Variants in KLHL6 observed in about 807,000 individuals in gnomAD.
The protein encoded by KLHL6 is kelch-like protein 6.
Under a neutral mutation model 58.6 loss-of-function variants are expected in KLHL6, and 41 were observed. The observed-to-expected ratio is 0.70, with a 90% CI of 0.55 to 0.91. The LOEUF (loss-of-function observed/expected upper bound fraction) is 0.91. Among genes scored for constraint, KLHL6 ranks in the 40% least tolerant of loss-of-function variants. KLHL6 has a pLI of 0.00. For missense variants in KLHL6, 714 were observed against 805.6 expected (o/e 0.89, Z 1.38); for synonymous variants, 338 against 322.7 (o/e 1.05, Z -0.51).
chr3:183,508,404 A>C lies in KLHL6; in HGVS notation c.564T>G (p.Ser188Arg), dbSNP rs201012563. ...LRLADTHSLDSLKKQVQSYII... is the reference protein window; with the variant it reads ...LRLADTHSLDRLKKQVQSYII... The stretch of plus-strand genomic sequence containing the variant: ...TGTAACTCTGAACCTGCTTCTTTAG[A>C]CTGTCCAGCGAGTGTGTGTCAGCCA... Residue 188 changes from serine (S) to arginine (R), a missense_variant, in exon 3 of 7, where the codon AGT (serine) becomes AGG (arginine). Physicochemically the swap from Ser to Arg is moderately radical, Grantham distance 110. Around this residue, in one of 2 missense-constraint regions of KLHL6, gnomAD observed 510 missense variants for 629.7 expected, o/e 0.81. Coordinates refer to ENST00000341319, the MANE Select transcript of KLHL6 (RefSeq NM_130446.4). 6.2e-6 allele frequency: 10 copies of C among 1,614,210 alleles called. No individual in the cohort carries two copies. Among genetic ancestry groups the C allele is most frequent in the Non-Finnish European group, 8.5e-6 (10 of 1,180,036 alleles).
In KLHL6 at chr3:183,511,035, A is replaced by C. The variant is rs533895197; in HGVS notation, c.460-2527T>G. On this transcript the variant is annotated intron_variant, in intron 2 of 6. Coordinates refer to ENST00000341319, the MANE Select transcript of KLHL6 (RefSeq NM_130446.4). Reference sequence around the variant, plus strand: ...AGTACAGAGAAAGAACAGTGGGCCCAGGGGACCAGCGCTCAGCATACGGAG... The same window carrying C: ...AGTACAGAGAAAGAACAGTGGGCCCCGGGGACCAGCGCTCAGCATACGGAG... 3.3e-5 allele frequency among the ~76,000 whole-genome samples: 5 copies of C among 152,306 alleles called. No homozygotes were observed. The East Asian group carries it at 9.7e-4, about 29-fold the overall frequency.
intron 1 of KLHL6, among the ~76,000 whole-genome samples, chr3:183,543,379 G>A (rs1262245500): frequency 1.3e-5 from 2 of 151,922 alleles, no homozygotes; most frequent in Non-Finnish European, 1.5e-5. Flanking sequence ...GGAGGAGCAT[G>A]GGAGGAGTGA....
At chr3:183,497,765 A>G (rs1187937745) in intron 4 of KLHL6, among the ~76,000 whole-genome samples, 1 of 152,114 alleles carries the variant, frequency 6.6e-6, no homozygotes, top group African/African-American at 2.4e-5. Context: ...TCCTGCCCCG[A>G]CCCCTGCATA....
At chr3:183,538,833 G>C (rs140252337) in intron 1 of KLHL6, among the ~76,000 whole-genome samples, 1 of 152,254 alleles carries the variant, frequency 6.6e-6, no homozygotes, top group Non-Finnish European at 1.5e-5. Context: ...AGCTCAAGCT[G>C]TCCCCTAAGT....
chr3:183,517,572 G>C (rs1711607174), intron 2 of KLHL6, among the ~76,000 whole-genome samples: 2 of 152,198 alleles, frequency 1.3e-5, no homozygotes, highest in South Asian at 4.1e-4. Context: ...GCTCACTAAG[G>C]CAGGGCAGGT....
chr3:183,545,890 C>T (rs1305680664), intron 1 of KLHL6, among the ~76,000 whole-genome samples: 1 of 152,200 alleles, frequency 6.6e-6, no homozygotes, highest in African/African-American at 2.4e-5. Context: ...TAGCTTCCCA[C>T]ACAACTCTGT....
intron 1 of KLHL6, among the ~76,000 whole-genome samples, chr3:183,541,387 G>C (rs1712547034): frequency 6.6e-6 from 1 of 152,228 alleles, no homozygotes; most frequent in South Asian, 2.1e-4. Flanking sequence ...AGGAGGAGCT[G>C]CCACAGTTGG....
chr3:183,550,711 G>A (rs1244870916), intron 1 of KLHL6, among the ~76,000 whole-genome samples: 1 of 152,098 alleles, frequency 6.6e-6, no homozygotes, highest in African/African-American at 2.4e-5. Context: ...TGGAAGAATT[G>A]CTTGAGCCCA....
chr3:183,488,788 C>T lies in KLHL6; in HGVS notation c.*3139G>A, dbSNP rs985659430. On this transcript the variant is annotated 3_prime_UTR_variant, in exon 7 of 7. Coordinates refer to ENST00000341319, the MANE Select transcript of KLHL6 (RefSeq NM_130446.4). ...AACCCTGATGACTATTCTTAAGTTT[C>T]CCCCAAATGACTTGAACTTTCTTTC... is the stretch of plus-strand genomic sequence containing the variant. 6.6e-6 allele frequency: 1 copy of T among 152,224 alleles called. No homozygotes were observed. Among genetic ancestry groups the T allele is most frequent in the African/African-American group, 2.4e-5 (1 of 41,448 alleles). The allele number at this position is 152,224 out of a possible 1,614,324, so 9.4% of individuals were successfully genotyped here. A position where few individuals can be genotyped will look rare whatever the true frequency, so the allele number is the denominator to read the frequency against.
In KLHL6 at chr3:183,511,133, G is replaced by C. The variant is rs538904398; in HGVS notation, c.460-2625C>G. The stretch of plus-strand genomic sequence containing the variant: ...ACTATTTTCACTATCTCAATAAGAG[G>C]AATGCAGTAGGAGAGCAGGGTGATA... On this transcript the variant is annotated intron_variant, in intron 2 of 6. Coordinates refer to ENST00000341319, the MANE Select transcript of KLHL6 (RefSeq NM_130446.4). Among the ~76,000 whole-genome samples the C allele has an allele frequency of 7.9e-4, 121 of 152,260 alleles. 1 individual carries two copies. Among genetic ancestry groups the C allele is most frequent in the Middle Eastern group, 3.4e-3 (1 of 294 alleles).
chr3:183,519,763 G>A, intron 2 of KLHL6, among the ~76,000 whole-genome samples: 1 of 151,446 alleles, frequency 6.6e-6, no homozygotes, highest in Non-Finnish European at 1.5e-5. Flanking sequence ...GGGCATAGTG[G>A]TGCATGGCTA....
chr3:183,554,598 C>T (rs1713041482), intron 1 of KLHL6, among the ~76,000 whole-genome samples: 2 of 152,230 alleles, frequency 1.3e-5, no homozygotes, highest in Admixed American at 1.3e-4. Flanking sequence ...TTTCCCCACA[C>T]TGCCTACACA....
rs773878937 is a variant in KLHL6, at chr3:183,492,558, C to T, written c.1500G>A (p.Ala500=). 1.9e-6 allele frequency: 3 copies of T among 1,614,124 alleles called. No homozygotes were observed. Among genetic ancestry groups the T allele is most frequent in the African/African-American group, 2.7e-5 (2 of 74,948 alleles). Residue 500 remains alanine, a synonymous_variant, in exon 6 of 7, where the codon GCG becomes GCA. Coordinates refer to ENST00000341319, the MANE Select transcript of KLHL6 (RefSeq NM_130446.4). This position sits in a 1 kb window ranked among gnomAD's most constrained non-coding sequence, Gnocchi z 5.9. ...DPSTNKWSLK[A]AMPVEAKCIN... ...TGCATTTAGCCTCCACGGGCATGGC[C>T]GCCTTCAAACTCCACTTGTTGGTGG...
At chr3:183,497,499 C>T (rs2971458) in intron 4 of KLHL6, among the ~76,000 whole-genome samples, 37,168 of 152,194 alleles carry the variant, frequency 0.24, 5,019 homozygotes, top group African/African-American at 0.34. Context: ...CCTGGGCACA[C>T]AGCTAAACTA....
At chr3:183,501,898 G>A (rs149782600) in intron 3 of KLHL6, among the ~76,000 whole-genome samples, 7 of 152,118 alleles carry the variant, frequency 4.6e-5, no homozygotes, top group East Asian at 1.9e-4. Flanking sequence ...GTAATTTACC[G>A]TAAGGCCCCT....
At chr3:183,526,072 C>G (rs1022947911) in intron 2 of KLHL6, among the ~76,000 whole-genome samples, 5 of 152,164 alleles carry the variant, frequency 3.3e-5, no homozygotes, top group African/African-American at 1.2e-4. Context: ...CTTTGGGAGG[C>G]CGAGGCGGGC....
In KLHL6 at chr3:183,492,916, G is replaced by C; in HGVS notation, c.1351-209C>G. 1 of 555,048 alleles carries C rather than the reference G, an allele frequency of 1.8e-6. No homozygotes were observed. 34.4% of individuals were successfully genotyped at this position (555,048 alleles called of 1,614,324 possible). A position where few individuals can be genotyped will look rare whatever the true frequency, so the allele number is the denominator to read the frequency against. ...CTCCCTCCAGGCTCCACGCAAGCTA[G>C]AGCAAGCTGTGTGTTGGGATGTGCC... On this transcript the variant is annotated intron_variant, in intron 5 of 6. Coordinates refer to ENST00000341319, the MANE Select transcript of KLHL6 (RefSeq NM_130446.4). This position sits in a 1 kb window ranked among gnomAD's most constrained non-coding sequence, Gnocchi z 5.9.
intron 4 of KLHL6, among the ~76,000 whole-genome samples, chr3:183,494,667 G>A (rs1486819978): frequency 6.6e-6 from 1 of 152,200 alleles, no homozygotes; most frequent in African/African-American, 2.4e-5. Flanking sequence ...GCTGGGCGGG[G>A]ACAGTGGGGT....
chr3:183,495,377 A>G (rs182926523), intron 4 of KLHL6, among the ~76,000 whole-genome samples: 1 of 152,242 alleles, frequency 6.6e-6, no homozygotes, highest in East Asian at 1.9e-4. Context: ...TTCGCTTACT[A>G]TGAGGGAAGC....
Sources: gnomAD v4.1 joint callset for allele counts (sites outside exome capture counted in the v4.1 genomes callset) on GRCh38, gnomAD v4.1.1 for gene constraint, gnomAD v4.1.1 regional missense constraint, Gnocchi (gnomAD v3.1) non-coding constraint, MANE v1.5 for transcripts, NCBI Gene and HGNC (gene_info 2026-07-23, HGNC 2026-07-21) for gene names.